RSRC1: variants seen among roughly 807,000 people sequenced by gnomAD.
The protein encoded by RSRC1 is arginine and serine rich coiled-coil 1, also known as serine/Arginine-related protein 53.
RSRC1 carries 39 observed loss-of-function variants against 49.1 expected under a neutral mutation model. The ratio of observed to expected loss-of-function variants is 0.79; its 90% CI spans 0.61 to 1.04. The LOEUF (loss-of-function observed/expected upper bound fraction) is 1.04, where lower values mean the gene tolerates loss of function less well. Among genes scored for constraint, RSRC1 ranks in the 50% least tolerant of loss-of-function variants. The pLI is 0.00. For missense variants in RSRC1, 388 were observed against 402.4 expected, an observed-to-expected ratio of 0.96 and a Z score of 0.31; for synonymous variants, 143 against 130.8, an observed-to-expected ratio of 1.09 and a Z score of -0.63.
chr3:158,441,005 A>G (rs1016803787), intron 6 of RSRC1, among the ~76,000 whole-genome samples: 1 of 152,114 alleles, frequency 6.6e-6, no homozygotes, highest in African/African-American at 2.4e-5. Flanking sequence ...TTGAAGTGAA[A>G]TCTCTTGCAT....
At chr3:158,198,958 T>C (rs1720847415) in intron 3 of RSRC1, among the ~76,000 whole-genome samples, 1 of 152,200 alleles carries the variant, frequency 6.6e-6, no homozygotes, top group African/African-American at 2.4e-5. Flanking sequence ...GACTTACATA[T>C]ATCCTGATGT....
At chr3:158,380,937 A>G (rs923587308) in intron 6 of RSRC1, among the ~76,000 whole-genome samples, 2 of 152,184 alleles carry the variant, frequency 1.3e-5, no homozygotes, top group African/African-American at 4.8e-5. Context: ...GTCTACTTAT[A>G]CAAGGATTTT....
intron 6 of RSRC1, among the ~76,000 whole-genome samples, chr3:158,445,460 C>T (rs145453595): frequency 1.4e-3 from 208 of 152,012 alleles, no homozygotes; most frequent in African/African-American, 4.6e-3. Context: ...ACAATGAGAA[C>T]ACTTGTTCAC....
At chr3:158,408,271 C>A (rs1734258803) in intron 6 of RSRC1, among the ~76,000 whole-genome samples, 3 of 152,110 alleles carry the variant, frequency 2.0e-5, no homozygotes, top group Non-Finnish European at 4.4e-5. Context: ...TTTTAGTCAC[C>A]AGAGACATAT....
chr3:158,263,407 ATTG>A (rs756243498), intron 4 of RSRC1, among the ~76,000 whole-genome samples: 14 of 152,032 alleles, frequency 9.2e-5, no homozygotes, highest in Non-Finnish European at 1.8e-4. Context: ...CTCTTTATAT[ATTG>A]TTGCATTTGC....
chr3:158,141,503 A>G (rs1208273254), intron 3 of RSRC1, among the ~76,000 whole-genome samples: 1 of 152,238 alleles, frequency 6.6e-6, no homozygotes, highest in Admixed American at 6.5e-5. Context: ...TTTTAGAATT[A>G]AACTTAAATG....
At chr3:158,471,498 T>G (rs1287749556) in intron 7 of RSRC1, among the ~76,000 whole-genome samples, 1 of 152,136 alleles carries the variant, frequency 6.6e-6, no homozygotes, top group Admixed American at 6.6e-5. Context: ...GAGATCAGGG[T>G]AATGGGATTC....
intron 6 of RSRC1, among the ~76,000 whole-genome samples, chr3:158,413,810 G>T (rs1001898840): frequency 1.3e-5 from 2 of 152,050 alleles, no homozygotes; most frequent in Non-Finnish European, 2.9e-5. Context: ...AATCAAAATG[G>T]CAATTATTAA....
intron 6 of RSRC1, among the ~76,000 whole-genome samples, chr3:158,388,797 G>T (rs1041593337): frequency 6.6e-6 from 1 of 152,038 alleles, no homozygotes; most frequent in African/African-American, 2.4e-5. Context: ...TTTTAGTAGA[G>T]ATGGGGTTTC....
chr3:158,313,149 A>T (rs1728222161), intron 5 of RSRC1, among the ~76,000 whole-genome samples: 1 of 151,820 alleles, frequency 6.6e-6, no homozygotes, highest in African/African-American at 2.4e-5. Context: ...TCTCCTTTGT[A>T]AAAAGCTTTC....
At chr3:158,504,601 G>A (rs1739766931) in intron 7 of RSRC1, among the ~76,000 whole-genome samples, 1 of 152,076 alleles carries the variant, frequency 6.6e-6, no homozygotes, top group Non-Finnish European at 1.5e-5. Flanking sequence ...CTTACTGAGT[G>A]GCCTTTGGTC....
chr3:158,139,362 C>T (rs535062116), intron 3 of RSRC1, among the ~76,000 whole-genome samples: 64 of 151,936 alleles, frequency 4.2e-4, no homozygotes, highest in African/African-American at 1.3e-3. Context: ...GCTGAGATCG[C>T]GCCACTGCAC....
At chr3:158,182,102 T>C (rs868726373) in intron 3 of RSRC1, among the ~76,000 whole-genome samples, 1 of 152,126 alleles carries the variant, frequency 6.6e-6, no homozygotes, top group Non-Finnish European at 1.5e-5. Flanking sequence ...CAGGTTTCAG[T>C]GTTTAACAGG....
chr3:158,237,033 A>G (rs1723284627), intron 4 of RSRC1, among the ~76,000 whole-genome samples: 1 of 152,182 alleles, frequency 6.6e-6, no homozygotes, highest in African/African-American at 2.4e-5. Context: ...CTTACCAAGA[A>G]TTATATTCTT....
chr3:158,336,021 A>G (rs1476582167), intron 5 of RSRC1, among the ~76,000 whole-genome samples: 1 of 152,230 alleles, frequency 6.6e-6, no homozygotes, highest in Non-Finnish European at 1.5e-5. Flanking sequence ...CAGTAATTCC[A>G]GAGGAGGACT....
chr3:158,167,897 T>C (rs934207348), intron 3 of RSRC1, among the ~76,000 whole-genome samples: 3 of 152,150 alleles, frequency 2.0e-5, no homozygotes, highest in African/African-American at 7.2e-5. Flanking sequence ...TACAACTACG[T>C]CAGGAACCTC....
chr3:158,364,602 G>T (rs1731654265), intron 6 of RSRC1, among the ~76,000 whole-genome samples: 1 of 151,896 alleles, frequency 6.6e-6, no homozygotes, highest in Admixed American at 6.6e-5. Flanking sequence ...GGATTTCAAT[G>T]AGTTAGTATT....
At chr3:158,427,711 A>T (rs947617514) in intron 6 of RSRC1, among the ~76,000 whole-genome samples, 6 of 151,758 alleles carry the variant, frequency 4.0e-5, no homozygotes, top group African/African-American at 1.4e-4. Flanking sequence ...TTTATATCAC[A>T]TAAATTTATT....
At chr3:158,204,394 A>G (rs1194857132) in intron 4 of RSRC1, among the ~76,000 whole-genome samples, 1 of 152,178 alleles carries the variant, frequency 6.6e-6, no homozygotes, top group African/African-American at 2.4e-5. Flanking sequence ...TCCCACAACC[A>G]TTAATGTACA....
Sources: gnomAD v4.1 joint callset for allele counts (sites outside exome capture counted in the v4.1 genomes callset) on GRCh38, gnomAD v4.1.1 for gene constraint, MANE v1.5 for transcripts, NCBI Gene and HGNC (gene_info 2026-07-23, HGNC 2026-07-21) for gene names.